Variants in THAP6 observed in about 807,000 individuals in gnomAD.
The protein encoded by THAP6 is THAP domain containing 6, also known as THAP domain-containing protein 6.
In THAP6, 13 loss-of-function variants were observed where a neutral mutation model predicts 20.0. The observed-to-expected ratio is 0.65, with a 90% CI of 0.42 to 1.03. The LOEUF (loss-of-function observed/expected upper bound fraction) is 1.03, where lower values mean the gene tolerates loss of function less well. THAP6 is among the 50% of genes least tolerant of loss of function. The pLI is 0.00. For synonymous variants in THAP6, 93 were observed against 92.2 expected, an observed-to-expected ratio of 1.01 and a Z score of -0.05; for missense variants, 262 against 261.6, an observed-to-expected ratio of 1.00 and a Z score of -0.01.
chr4:75,525,665 A>G (rs1726318990), intron 4 of THAP6, among the ~76,000 whole-genome samples: 1 of 152,046 alleles, frequency 6.6e-6, no homozygotes, highest in Non-Finnish European at 1.5e-5. Flanking sequence ...CATGCCATGA[A>G]TTTTGGGTTT....
intron 1 of THAP6, among the ~76,000 whole-genome samples, chr4:75,515,225 A>T (rs960977858): frequency 4.6e-5 from 7 of 152,206 alleles, no homozygotes; most frequent in Non-Finnish European, 8.8e-5. Flanking sequence ...AATTGAAATC[A>T]TACTCGGGGT....
chr4:75,515,716 A>G (rs951582814), intron 2 of THAP6, among the ~76,000 whole-genome samples, 184 bp downstream of exon 2: 1 of 152,208 alleles, frequency 6.6e-6, no homozygotes, highest in African/African-American at 2.4e-5. Context: ...AAGTTTTAAG[A>G]TATCAGAGAC....
chr4:75,540,863 A>C (rs1344355384), intron 2 of THAP6, among the ~76,000 whole-genome samples: 2 of 152,238 alleles, frequency 1.3e-5, no homozygotes, highest in African/African-American at 2.4e-5. Context: ...ATGTAAAAAA[A>C]TTTTGGATTG....
Position 75,528,404 on chromosome 4 carries a change from T to C in THAP6, c.*1190T>C. 1.0e-6 allele frequency: 1 copy of C among 985,432 alleles called. No individual in the cohort carries two copies. Among genetic ancestry groups the C allele is most frequent in the South Asian group, 4.7e-5 (1 of 21,290 alleles). 61.0% of individuals were successfully genotyped at this position (985,432 alleles called of 1,614,324 possible). A position where few individuals can be genotyped will look rare whatever the true frequency, so the allele number is the denominator to read the frequency against. On this transcript the variant is annotated 3_prime_UTR_variant, in exon 5 of 5. Transcript: ENST00000311638. ...AAAACCATTTGCCAAAGCAACACTC[T>C]ACTTAGAAGCACATGTACATACATG...
rs1228977673 is a variant in THAP6, at chr4:75,528,789, C to A, written c.*1575C>A. 15 of 982,512 alleles carry A rather than the reference C, an allele frequency of 1.5e-5. No homozygotes were observed. Among genetic ancestry groups the A allele is most frequent in the African/African-American group, 1.8e-5 (1 of 56,762 alleles). 60.9% of individuals were successfully genotyped at this position (982,512 alleles called of 1,614,324 possible). ...AAAAAGGCCGGGTGGTGGCTCATAC[C>A]TGTAATCCTAGCACTTTGGGAGGCC... On this transcript the variant is annotated 3_prime_UTR_variant, in exon 5 of 5. Coordinates refer to ENST00000311638, the MANE Select transcript of THAP6 (RefSeq NM_144721.6).
chr4:75,524,037 T>C (rs1295663955), intron 4 of THAP6, among the ~76,000 whole-genome samples: 1 of 152,156 alleles, frequency 6.6e-6, no homozygotes, highest in Admixed American at 6.5e-5. Context: ...TTCCCCAGTT[T>C]ATGTTCTTGG....
rs142200249 is a variant in THAP6 at position 75,544,383 on chromosome 4, A to C, written c.243+1897A>C. ...GAGTGCAGTGGCGCAATCTCGGCTCATCACTCCGTCGCCCAGGCTGGAATG... is the reference window on the plus strand; with the variant it reads ...GAGTGCAGTGGCGCAATCTCGGCTCCTCACTCCGTCGCCCAGGCTGGAATG... On this transcript the variant is annotated intron_variant, in intron 3 of 4. Coordinates refer to the THAP6 transcript ENST00000502620. 2.0e-5 allele frequency: 3 copies of C among 152,104 alleles called. No individual in the cohort carries two copies. In the East Asian group the frequency reaches 5.8e-4, roughly 29 times the overall value. The allele number at this position is 152,104 out of a possible 1,614,324, so 9.4% of individuals were successfully genotyped here. A position where few individuals can be genotyped will look rare whatever the true frequency, so the allele number is the denominator to read the frequency against.
rs150245733 is a variant in THAP6, at chr4:75,545,250, T to G, written c.243+2764T>G. On this transcript the variant is annotated intron_variant, in intron 3 of 4. Transcript: ENST00000502620. ...AGAGCACAGCGCGGATTCACCCCAC[T>G]GGTTTAATACTCTGTTTCAAACCAT... Among the ~76,000 whole-genome samples the G allele has an allele frequency of 5.4e-4, 83 of 152,296 alleles. No individual in the cohort carries two copies. The East Asian group carries it at 0.016, about 29-fold the overall frequency.
At chr4:75,538,290 C>T (rs1478680928) in intron 2 of THAP6, among the ~76,000 whole-genome samples, 2 of 151,634 alleles carry the variant, frequency 1.3e-5, no homozygotes, top group Admixed American at 6.6e-5. Flanking sequence ...CAGGAAATTA[C>T]GTACATGACC....
intron 3 of THAP6, among the ~76,000 whole-genome samples, chr4:75,520,591 T>G (rs913754117): frequency 3.3e-5 from 5 of 152,216 alleles, no homozygotes; most frequent in African/African-American, 1.2e-4. Flanking sequence ...GCTGTCATCT[T>G]TCCTTATTTT....
At chr4:75,523,942 T>C (rs1280976716) in intron 4 of THAP6, among the ~76,000 whole-genome samples, 1 of 152,166 alleles carries the variant, frequency 6.6e-6, no homozygotes, top group East Asian at 1.9e-4. Flanking sequence ...GATTTTTGTA[T>C]ATTGTAAGAA....
intron 3 of THAP6, among the ~76,000 whole-genome samples, chr4:75,518,826 C>G (rs1162845391): frequency 6.6e-6 from 1 of 152,204 alleles, no homozygotes; most frequent in Admixed American, 6.5e-5. Flanking sequence ...AGTGTACTTT[C>G]TAAAAAAGCA....
At chr4:75,539,865 A>G (rs1381255095) in intron 2 of THAP6, 11 of 1,535,994 alleles carry the variant, frequency 7.2e-6, no homozygotes, top group Non-Finnish European at 9.6e-6. Flanking sequence ...CCAGAAACAC[A>G]GGAAAAGGAA....
chr4:75,526,770 A>AG (rs1275348663), intron 4 of THAP6, among the ~76,000 whole-genome samples, 190 bp from the exon 5 acceptor site: 1 of 152,228 alleles, frequency 6.6e-6, no homozygotes, highest in Non-Finnish European at 1.5e-5. Flanking sequence ...CCTTAGTAAA[A>AG]GGAGGGATGC....
At chr4:75,530,662 A>G (rs530166992), downstream of THAP6, among the ~76,000 whole-genome samples, 51 of 152,302 alleles carry the variant, frequency 3.3e-4, no homozygotes, top group African/African-American at 1.2e-3. Context: ...ACAAGACCAT[A>G]TATGTATACT....
At chr4:75,539,830 TTTC>T in intron 2 of THAP6, 1 of 1,535,988 alleles carries the variant, frequency 6.5e-7, no homozygotes, top group Non-Finnish European at 8.7e-7. Flanking sequence ...ACTGTTTTTC[TTTC>T]TTCTTTAAAT....
rs1725682170 is a variant in THAP6, at chr4:75,516,839, G to T, written c.148G>T (p.Ala50Ser). 6.2e-7 allele frequency: 1 copy of T among 1,613,972 alleles called. No individual in the cohort carries two copies. Among genetic ancestry groups the T allele is most frequent in the Non-Finnish European group, 8.5e-7 (1 of 1,180,024 alleles). ...AATGAAAAGACTTGATGTGAATGCA[G>T]CCGGCATTTGGGAGCCTAAAAAAGG... The part of the protein sequence containing the change: ...LAMKRLDVNA[A>S]GIWEPKKGDV... The change falls in exon 3 of 5, where the codon GCC becomes TCC. Residue 50 changes from alanine (A) to serine (S), a missense_variant. Coordinates refer to ENST00000311638, the MANE Select transcript of THAP6 (RefSeq NM_144721.6).
intron 2 of THAP6, 68 bp downstream of exon 2, chr4:75,515,600 T>A: frequency 6.6e-7 from 1 of 1,513,076 alleles, no homozygotes; most frequent in Non-Finnish European, 9.2e-7. Context: ...CAGTTCTACT[T>A]AAGTCTTCAA....
chr4:75,515,811 C>T (rs999034368), intron 2 of THAP6, among the ~76,000 whole-genome samples: 1 of 152,136 alleles, frequency 6.6e-6, no homozygotes, highest in Admixed American at 6.5e-5. Context: ...ATCACACCGC[C>T]AAAGAAATTC....
Sources: allele counts gnomAD v4.1 joint callset (sites outside exome capture counted in the v4.1 genomes callset), GRCh38; gene constraint gnomAD v4.1.1; transcripts MANE v1.5; gene names NCBI Gene and HGNC (gene_info 2026-07-23, HGNC 2026-07-21).